The following RGS10 variants were observed in gnomAD, a reference collection of about 807,000 sequenced individuals.
The protein encoded by RGS10 is regulator of G protein signaling 10, also known as regulator of G-protein signalling 10.
Under a neutral mutation model 23.5 loss-of-function variants are expected in RGS10, and 11 were observed. The observed-to-expected ratio is 0.47, with a 90% CI of 0.29 to 0.77. The LOEUF is 0.77. Ranked by LOEUF, RGS10 falls within the 30% of genes least tolerant of loss-of-function variation. RGS10 has a pLI of 0.08. For synonymous variants in RGS10, 77 were observed against 83.2 expected, an observed-to-expected ratio of 0.92 and a Z score of 0.41; for missense variants, 180 against 226.3, an observed-to-expected ratio of 0.80 and a Z score of 1.31.
chr10:119,507,474 C>A (rs898905014), intron 4 of RGS10, among the ~76,000 whole-genome samples: 8 of 151,970 alleles, frequency 5.3e-5, no homozygotes, highest in African/African-American at 1.9e-4. Context: ...TCCCCTCTTA[C>A]GTTCTGGGAA....
chr10:119,529,782 A>T (rs141772779), intron 1 of RGS10, among the ~76,000 whole-genome samples: 1,787 of 152,310 alleles, frequency 0.012, 22 homozygotes, highest in Non-Finnish European at 0.016. Flanking sequence ...AATCTAGGAG[A>T]AAATAAACTT....
rs778481186 is a variant in RGS10 at position 119,500,160 on chromosome 10, C to G, written c.499G>C (p.Asp167His). 6 of 1,613,900 alleles carry G rather than the reference C, an allele frequency of 3.7e-6. No individual in the cohort carries two copies. The highest frequency in any genetic ancestry group is 4.2e-6 in the Non-Finnish European group (5 of 1,180,016). Reference protein sequence around the residue: ...RTEEEEEDLPDAQTAAKRASR... With the variant: ...RTEEEEEDLPHAQTAAKRASR... ...GCTCTTTTAGCTGCAGTTTGAGCAT[C>G]AGGCAAATCTTCTTCCTCTTCCTCG... is the stretch of plus-strand genomic sequence containing the variant. The change falls in exon 5 of 5, where the codon GAT becomes CAT. Residue 167 changes from aspartate to histidine, a missense_variant. Transcript: ENST00000369103.
At chr10:119,530,014 C>T (rs1303558456) in intron 1 of RGS10, among the ~76,000 whole-genome samples, 2 of 152,284 alleles carry the variant, frequency 1.3e-5, no homozygotes, top group East Asian at 3.9e-4. Flanking sequence ...ACTGCTTGAA[C>T]CCGGGAGGCG....
chr10:119,522,325 AG>A (rs140326741), intron 3 of RGS10, among the ~76,000 whole-genome samples: 5,966 of 152,330 alleles, frequency 0.039, 195 homozygotes, highest in East Asian at 0.15. Flanking sequence ...CAACAGCCTT[AG>A]TTGATGGAGA....
rs889235234 is a variant in RGS10, at chr10:119,538,521, G to C, written c.49+4069C>G. 1.3e-5 allele frequency among the ~76,000 whole-genome samples: 2 copies of C among 152,208 alleles called. No homozygotes were observed. Among genetic ancestry groups the C allele is most frequent in the African/African-American group, 2.4e-5 (1 of 41,456 alleles). On this transcript the variant is annotated intron_variant, in intron 1 of 4. Transcript: ENST00000369103. The surrounding 1 kb of genome is among the most constrained non-coding windows in gnomAD (Gnocchi z 4.5). Reference sequence around the variant, plus strand: ...AGCTGGGGGAGCAAAGGCACAGAGGGAGTATTGTCCAGTCCCTCCAGGGGT... The same window carrying C: ...AGCTGGGGGAGCAAAGGCACAGAGGCAGTATTGTCCAGTCCCTCCAGGGGT...
intron 2 of RGS10, among the ~76,000 whole-genome samples, chr10:119,526,814 C>CG (rs1844281031): frequency 6.6e-6 from 1 of 151,974 alleles, no homozygotes; most frequent in Non-Finnish European, 1.5e-5. Context: ...CATCTGGCAC[C>CG]GGGGGCTTCT....
chr10:119,518,733 G>T, intron 3 of RGS10, among the ~76,000 whole-genome samples: 1 of 150,796 alleles, frequency 6.6e-6, no homozygotes, highest in Non-Finnish European at 1.5e-5. Context: ...TCAAGATGGA[G>T]TCTCACTGTC....
chr10:119,535,253 A>G (rs1428360175), intron 1 of RGS10, among the ~76,000 whole-genome samples: 1 of 150,108 alleles, frequency 6.7e-6, no homozygotes, highest in Non-Finnish European at 1.5e-5. Flanking sequence ...GAAAACTGTT[A>G]AGAGTCCAAT....
chr10:119,536,448 G>A (rs1844387999), intron 1 of RGS10: 1 of 1,612,034 alleles, frequency 6.2e-7, no homozygotes, highest in Non-Finnish European at 8.5e-7. Flanking sequence ...GGAAAGGGGT[G>A]GGGGCGATTC....
rs1389999760 is a variant in RGS10, at chr10:119,538,539, C to T, written c.49+4051G>A. Among the ~76,000 whole-genome samples, 2 of 152,020 alleles carry T rather than the reference C, an allele frequency of 1.3e-5. No individual in the cohort carries two copies. The highest frequency in any genetic ancestry group is 2.9e-5 in the Non-Finnish European group (2 of 67,996). On this transcript the variant is annotated intron_variant, in intron 1 of 4. Coordinates refer to ENST00000369103, the MANE Select transcript of RGS10 (RefSeq NM_001005339.2). This position sits in a 1 kb window ranked among gnomAD's most constrained non-coding sequence, Gnocchi z 4.5. ...ACAGAGGGAGTATTGTCCAGTCCCT[C>T]CAGGGGTAGAGTAGGGAGCAGGAAA...
chr10:119,540,582 CACATTT>C (rs1421580205), intron 1 of RGS10, among the ~76,000 whole-genome samples: 1 of 152,164 alleles, frequency 6.6e-6, no homozygotes, highest in Non-Finnish European at 1.5e-5. Context: ...GTGATGTAAC[CACATTT>C]TATGAGGTTT....
intron 1 of RGS10, among the ~76,000 whole-genome samples, chr10:119,531,194 C>T (rs1404745725): frequency 6.6e-6 from 1 of 152,224 alleles, no homozygotes. Context: ...CCAGAGAATA[C>T]AGTTTGACAG....
intron 4 of RGS10, among the ~76,000 whole-genome samples, chr10:119,500,663 AG>A (rs1444604403): frequency 6.6e-6 from 1 of 151,374 alleles, no homozygotes; most frequent in African/African-American, 2.4e-5. Context: ...GGTGTTAAAA[AG>A]ATCACTGACA....
rs1189449917 is a variant in RGS10 at position 119,538,328 on chromosome 10, A to G, written c.49+4262T>C. ...CCTTCAGAAATGGGTGCCTCCGGAC[A>G]AGTCCCTGCCCCTTAGTGGCCTCTG... On this transcript the variant is annotated intron_variant, in intron 1 of 4. Transcript: ENST00000369103. This position sits in a 1 kb window ranked among gnomAD's most constrained non-coding sequence, Gnocchi z 4.5. Among the ~76,000 whole-genome samples, 1 of 152,248 alleles carries G rather than the reference A, an allele frequency of 6.6e-6. No homozygotes were observed. The highest frequency in any genetic ancestry group is 2.4e-5 in the African/African-American group (1 of 41,478).
At chr10:119,534,131 T>G (rs886503295) in intron 1 of RGS10, among the ~76,000 whole-genome samples, 2 of 151,880 alleles carry the variant, frequency 1.3e-5, no homozygotes, top group Non-Finnish European at 2.9e-5. Context: ...GGTGCACTCC[T>G]GTAATCCCCA....
Position 119,527,300 on chromosome 10 carries a change from A to G in RGS10, c.168+6T>C, listed in dbSNP as rs1844286196. The stretch of plus-strand genomic sequence containing the variant: ...TCCATCCCGATTAACAATGAAAAAG[A>G]CAAACCCTAAATCTTTTCACGCCTT... On this transcript the variant is annotated splice_donor_region_variant and intron_variant, in intron 2 of 4. Coordinates refer to ENST00000369103, the MANE Select transcript of RGS10 (RefSeq NM_001005339.2). This position sits in a 1 kb window ranked among gnomAD's most constrained non-coding sequence, Gnocchi z 4.2. 1 of 1,605,404 alleles carries G rather than the reference A, an allele frequency of 6.2e-7. No homozygotes were observed. Among genetic ancestry groups the G allele is most frequent in the African/African-American group, 1.3e-5 (1 of 74,786 alleles).
At chr10:119,519,601 C>G (rs1844189375) in intron 3 of RGS10, among the ~76,000 whole-genome samples, 1 of 120,876 alleles carries the variant, frequency 8.3e-6, no homozygotes, top group African/African-American at 3.3e-5. Flanking sequence ...CTATCTGTCC[C>G]CCAGCTCCTG....
At chr10:119,522,341 A>G (rs1312500642) in intron 3 of RGS10, among the ~76,000 whole-genome samples, 2 of 152,232 alleles carry the variant, frequency 1.3e-5, no homozygotes, top group Non-Finnish European at 2.9e-5. Flanking sequence ...TGGAGAGAGA[A>G]AAATCCTCCC....
intron 4 of RGS10, among the ~76,000 whole-genome samples, chr10:119,505,743 G>A (rs1012379962): frequency 1.2e-4 from 19 of 152,118 alleles, no homozygotes; most frequent in Admixed American, 1.2e-3. Flanking sequence ...AGCCTTGAAG[G>A]CCCCTCTGTG....
Sources: gnomAD v4.1 joint callset for allele counts (sites outside exome capture counted in the v4.1 genomes callset) on GRCh38, gnomAD v4.1.1 for gene constraint, Gnocchi (gnomAD v3.1) non-coding constraint, MANE v1.5 for transcripts, NCBI Gene and HGNC (gene_info 2026-07-23, HGNC 2026-07-21) for gene names.